The following MAML3 variants were observed in gnomAD, a reference collection of about 807,000 sequenced individuals.
The protein encoded by MAML3 is mastermind-like protein 3.
A neutral mutation model predicts 101.9 loss-of-function variants in MAML3; 27 were observed. The observed-to-expected ratio is 0.27, with a 90% CI of 0.20 to 0.37. MAML3 has a LOEUF of 0.37. Among genes scored for constraint, MAML3 ranks in the 10% least tolerant of loss-of-function variants. The probability of loss-of-function intolerance (pLI) is 1.00; values close to 1 mark genes in which losing one functional copy is unlikely to be tolerated. For synonymous variants in MAML3, 501 were observed against 555.9 expected (o/e 0.90, Z 1.39); for missense variants, 1,316 against 1,444.9 (o/e 0.91, Z 1.45).
At chr4:139,980,084 T>A (rs940800128) in intron 1 of MAML3, among the ~76,000 whole-genome samples, 1 of 152,178 alleles carries the variant, frequency 6.6e-6, no homozygotes, top group Non-Finnish European at 1.5e-5. Context: ...TCTCCCTTTA[T>A]GCATTCGGCA....
intron 1 of MAML3, among the ~76,000 whole-genome samples, chr4:140,143,537 C>T (rs1729009218): frequency 6.6e-6 from 1 of 152,112 alleles, no homozygotes; most frequent in East Asian, 1.9e-4. Context: ...CCAAGGCGGG[C>T]GGATCATGAG....
intron 1 of MAML3, among the ~76,000 whole-genome samples, chr4:140,021,102 A>C (rs922795861): frequency 2.6e-5 from 4 of 152,168 alleles, no homozygotes; most frequent in Non-Finnish European, 5.9e-5. Context: ...AGAAAAGAAG[A>C]CTGCTTCTCT....
At chr4:140,092,696 G>C (rs1181596699) in intron 1 of MAML3, among the ~76,000 whole-genome samples, 1 of 152,176 alleles carries the variant, frequency 6.6e-6, no homozygotes, top group Non-Finnish European at 1.5e-5. Flanking sequence ...GAGGAGAGCC[G>C]ACTGGCTTCC....
intron 1 of MAML3, among the ~76,000 whole-genome samples, chr4:139,913,817 C>T (rs1263016395): frequency 6.6e-6 from 1 of 152,198 alleles, no homozygotes; most frequent in Non-Finnish European, 1.5e-5. Flanking sequence ...TAACCTTGAA[C>T]ATCTGCCAAG....
intron 1 of MAML3, among the ~76,000 whole-genome samples, chr4:140,133,844 C>T (rs1728837331): frequency 6.6e-6 from 1 of 152,204 alleles, no homozygotes; most frequent in Non-Finnish European, 1.5e-5. Context: ...GAATGTCTGT[C>T]TCATTCTGTA....
chr4:139,958,449 A>C (rs1733949817), intron 1 of MAML3, among the ~76,000 whole-genome samples: 1 of 152,242 alleles, frequency 6.6e-6, no homozygotes, highest in Admixed American at 6.5e-5. Context: ...AGGAAAGATG[A>C]GACAGATAGT....
At chr4:139,839,572 C>G (rs1731325280) in intron 2 of MAML3, among the ~76,000 whole-genome samples, 2 of 151,828 alleles carry the variant, frequency 1.3e-5, no homozygotes, top group Non-Finnish European at 2.9e-5. Flanking sequence ...TGTGTGTACA[C>G]CCAGCATGTG....
chr4:139,784,937 G>A (rs949642478), intron 2 of MAML3, among the ~76,000 whole-genome samples: 3 of 152,208 alleles, frequency 2.0e-5, no homozygotes, highest in Admixed American at 2.0e-4. Flanking sequence ...ACGAGGAGGG[G>A]TGGGAGGGTG....
At chr4:140,126,672 C>G (rs1380081749) in intron 1 of MAML3, among the ~76,000 whole-genome samples, 1 of 152,206 alleles carries the variant, frequency 6.6e-6, no homozygotes, top group Non-Finnish European at 1.5e-5. Context: ...TCTATACCCG[C>G]AACCCAGACC....
Position 139,902,511 on chromosome 4 carries a change from C to G in MAML3, c.469-11544G>C, listed in dbSNP as rs78211211. ...GGCAGGAGGAGAGAATTTTTCTCTC[C>G]GGGATGAATCCCCCATGGATGAAGA... On this transcript the variant is annotated intron_variant, in intron 1 of 4. Transcript: ENST00000509479. Among the ~76,000 whole-genome samples, 682 of 152,214 alleles carry G rather than the reference C, an allele frequency of 4.5e-3. 4 individuals carry two copies. Among genetic ancestry groups the G allele is most frequent in the East Asian group, 0.038 (196 of 5,174 alleles).
chr4:140,019,179 A>G (rs1261682222), intron 1 of MAML3, among the ~76,000 whole-genome samples: 1 of 152,106 alleles, frequency 6.6e-6, no homozygotes, highest in Non-Finnish European at 1.5e-5. Flanking sequence ...GGATTTGGAT[A>G]TGTTTTTTCA....
intron 1 of MAML3, among the ~76,000 whole-genome samples, chr4:140,042,351 C>T (rs974856004): frequency 6.6e-6 from 1 of 152,150 alleles, no homozygotes. Flanking sequence ...TAAACACACC[C>T]CACTCTGAGG....
rs114953001 is a variant in MAML3, at chr4:140,065,506, G to T, written c.468+87354C>A. Among the ~76,000 whole-genome samples the T allele has an allele frequency of 7.2e-3, 1,089 of 152,200 alleles. 12 individuals carry two copies. The highest frequency in any genetic ancestry group is 0.025 in the African/African-American group (1,038 of 41,524). ...TGTAACTTTTCAAAATCAACACTTC[G>T]TGGCTTTCCCATCTTCAAGACCTTC... On this transcript the variant is annotated intron_variant, in intron 1 of 4. Transcript: ENST00000509479.
intron 1 of MAML3, among the ~76,000 whole-genome samples, chr4:139,961,872 G>C (rs760057610): frequency 1.1e-4 from 16 of 152,170 alleles, no homozygotes; most frequent in Non-Finnish European, 2.4e-4. Flanking sequence ...CCAGCACTTT[G>C]GGAGGTTGAG....
chr4:140,126,946 T>C (rs151135109), intron 1 of MAML3, among the ~76,000 whole-genome samples: 125 of 152,320 alleles, frequency 8.2e-4, no homozygotes, highest in African/African-American at 2.6e-3. Flanking sequence ...ACTCACCTAC[T>C]TGAAGCCCTT....
chr4:139,747,960 A>G (rs2038658068), intron 2 of MAML3, among the ~76,000 whole-genome samples: 1 of 150,304 alleles, frequency 6.7e-6, no homozygotes, highest in Non-Finnish European at 1.5e-5. Flanking sequence ...AGGCTGAGGC[A>G]GGAGAATTGC....
chr4:140,034,375 A>G (rs192433128), intron 1 of MAML3, among the ~76,000 whole-genome samples: 1 of 152,338 alleles, frequency 6.6e-6, no homozygotes, highest in African/African-American at 2.4e-5. Context: ...TAAACCATTG[A>G]AGTTTTGATG....
At chr4:140,056,483 T>A (rs1578661872) in intron 1 of MAML3, among the ~76,000 whole-genome samples, 1 of 151,714 alleles carries the variant, frequency 6.6e-6, no homozygotes, top group African/African-American at 2.4e-5. Flanking sequence ...TCAGCCTTAG[T>A]TTTCTTTTTG....
chr4:139,918,082 C>G (rs2111231174), intron 1 of MAML3, among the ~76,000 whole-genome samples: 1 of 152,226 alleles, frequency 6.6e-6, no homozygotes, highest in African/African-American at 2.4e-5. Context: ...CATCTGTCAC[C>G]TTTTCTGAGT....
Sources: gnomAD v4.1 joint callset for allele counts (sites outside exome capture counted in the v4.1 genomes callset) on GRCh38, gnomAD v4.1.1 for gene constraint, MANE v1.5 for transcripts, NCBI Gene and HGNC (gene_info 2026-07-23, HGNC 2026-07-21) for gene names.